SLC31A2: variants seen among roughly 807,000 people sequenced by gnomAD.
SLC31A2 encodes the protein solute carrier family 31 member 2, also known as protein SLC31A2.
A neutral mutation model predicts 14.4 loss-of-function variants in SLC31A2; 16 were observed. The observed-to-expected ratio is 1.11, with a 90% CI of 0.75 to 1.69. SLC31A2 has a LOEUF of 1.69. Ranked by LOEUF, SLC31A2 falls within the 40% of genes most tolerant of loss-of-function variation. The probability of loss-of-function intolerance (pLI) is 0.00; values close to 1 mark genes in which losing one functional copy is unlikely to be tolerated. For missense variants in SLC31A2, 140 were observed against 173.9 expected (o/e 0.81, Z 1.10); for synonymous variants, 56 against 68.7 (o/e 0.82, Z 0.91).
At chr9:113,153,351 A>T (rs1420931196) in intron 1 of SLC31A2, among the ~76,000 whole-genome samples, 1 of 152,110 alleles carries the variant, frequency 6.6e-6, no homozygotes, top group South Asian at 2.1e-4. Flanking sequence ...TGAAGCTCTC[A>T]TATAATTTAC....
intron 1 of SLC31A2, chr9:113,156,020 GCTGTCGTCT>G (rs1829930094): frequency 1.9e-6 from 1 of 518,742 alleles, no homozygotes; most frequent in Non-Finnish European, 3.8e-6. Context: ...GTGGTTTAGG[GCTGTCGTCT>G]GCAAGCAGAA....
In SLC31A2 at chr9:113,159,889, A is replaced by G. The variant is rs146533081; in HGVS notation, c.74-1620A>G. ...CAAGGAAACACTTAAAAAGAGTACA[A>G]ATGGGCCAGGTGTGGTGGCTCATGC... On this transcript the variant is annotated intron_variant, in intron 2 of 3. Coordinates refer to ENST00000259392, the MANE Select transcript of SLC31A2 (RefSeq NM_001860.3). Among the ~76,000 whole-genome samples, 39 of 152,234 alleles carry G rather than the reference A, an allele frequency of 2.6e-4. No homozygotes were observed. The East Asian group carries it at 6.6e-3, about 26-fold the overall frequency.
intron 2 of SLC31A2, 45 bp from the exon 3 acceptor site, chr9:113,161,452 TGGAAGGGAAACA>T: frequency 1.3e-6 from 2 of 1,519,908 alleles, no homozygotes; most frequent in Non-Finnish European, 1.8e-6. Flanking sequence ...GTGGAGGTGC[TGGAAGGGAAACA>T]GTGCTGGCCT....
rs773064007 is a variant in SLC31A2 at position 113,162,801 on chromosome 9, A to C, written c.316A>C (p.Ile106Leu). Residue 106 changes from isoleucine (I) to leucine (L), a missense_variant, in exon 4 of 4, where the codon ATC (isoleucine) becomes CTC (leucine). Coordinates refer to ENST00000259392, the MANE Select transcript of SLC31A2 (RefSeq NM_001860.3). ...QSLIHVIQVVIGYFIMLAVMS... is the reference protein window; with the variant it reads ...QSLIHVIQVVLGYFIMLAVMS... ...TCTAATCCATGTCATCCAGGTGGTC[A>C]TCGGCTACTTCATCATGCTGGCCGT... 2 of 1,613,872 alleles carry C rather than the reference A, an allele frequency of 1.2e-6. No individual in the cohort carries two copies. Among genetic ancestry groups the C allele is most frequent in the South Asian group, 2.2e-5 (2 of 91,070 alleles).
Position 113,151,184 on chromosome 9 carries a change from G to A in SLC31A2, c.6+104G>A. 8.5e-7 allele frequency: 1 copy of A among 1,171,104 alleles called. No homozygotes were observed. The highest frequency in any genetic ancestry group is 1.1e-6 in the Non-Finnish European group (1 of 915,340). 72.5% of individuals were successfully genotyped at this position (1,171,104 alleles called of 1,614,324 possible). A position where few individuals can be genotyped will look rare whatever the true frequency, so the allele number is the denominator to read the frequency against. ...TCCTCGCTGCCGCTGGCCCGGGGCT[G>A]GTGAAGGGTGTGTTGGCAGCATTGC... is the stretch of plus-strand genomic sequence containing the variant. On this transcript the variant is annotated intron_variant, in intron 1 of 3. Transcript: ENST00000259392. This position sits in a 1 kb window ranked among gnomAD's most constrained non-coding sequence, Gnocchi z 4.2.
chr9:113,158,241 T>C (rs1829959778), intron 2 of SLC31A2: 1 of 340,042 alleles, frequency 2.9e-6, no homozygotes, highest in Non-Finnish European at 6.1e-6. Flanking sequence ...GGAAAGAATA[T>C]TCCTTTGATT....
In SLC31A2 at chr9:113,157,787, C is replaced by T. The variant is rs1361599964; in HGVS notation, c.67C>T (p.Pro23Ser). 3.1e-6 allele frequency: 5 copies of T among 1,612,122 alleles called. No homozygotes were observed. The highest frequency in any genetic ancestry group is 4.2e-6 in the Non-Finnish European group (5 of 1,178,902). The change falls in exon 2 of 4, where the codon CCT becomes TCT. Residue 23 changes from proline (P) to serine (S), a missense_variant. Coordinates refer to ENST00000259392, the MANE Select transcript of SLC31A2 (RefSeq NM_001860.3). ...GTTTGATTTCTGGAGTGTCCACAGTCCTGCTGGTAAGAATTGGGGACCTCA... is the reference window on the plus strand; with the variant it reads ...GTTTGATTTCTGGAGTGTCCACAGTTCTGCTGGTAAGAATTGGGGACCTCA... ...LLFDFWSVHS[P>S]AGMALSVLVL...
At chr9:113,158,163 A>G (rs1829958371) in intron 2 of SLC31A2, 3 of 474,976 alleles carry the variant, frequency 6.3e-6, no homozygotes, top group African/African-American at 4.0e-5. Context: ...TCCCTTATCC[A>G]GGGCTCATTG....
intron 1 of SLC31A2, chr9:113,155,934 A>G: frequency 4.6e-6 from 2 of 437,342 alleles, no homozygotes; most frequent in South Asian, 1.6e-5. Context: ...GACTCAGACT[A>G]CTATTCTTTA....
rs3840998 is a variant in SLC31A2 at position 113,163,917 on chromosome 9, TG to T, written c.*1003del. On this transcript the variant is annotated 3_prime_UTR_variant, in exon 4 of 4. Transcript: ENST00000259392. ...TTCACTTAAAATACTGATTAAGCCATGGGCAGGTACTGACTGAAGATGCAAT... is the reference window on the plus strand; with the variant it reads ...TTCACTTAAAATACTGATTAAGCCATGGCAGGTACTGACTGAAGATGCAAT... The T allele has an allele frequency of 0.82, 124,871 of 152,550 alleles. 51,188 individuals carry two copies. Among genetic ancestry groups the T allele is most frequent in the South Asian group, 0.89 (4,281 of 4,828 alleles). The allele number at this position is 152,550 out of a possible 1,614,324, so 9.4% of individuals were successfully genotyped here.
chr9:113,157,459 C>G (rs1319582234), intron 1 of SLC31A2, among the ~76,000 whole-genome samples: 2 of 152,140 alleles, frequency 1.3e-5, no homozygotes, highest in African/African-American at 4.8e-5. Context: ...TGTCACATCC[C>G]GAGCCAGTTG....
chr9:113,151,194 G>A lies in SLC31A2; in HGVS notation c.6+114G>A. 1 of 1,118,594 alleles carries A rather than the reference G, an allele frequency of 8.9e-7. No homozygotes were observed. Among genetic ancestry groups the A allele is most frequent in the Non-Finnish European group, 1.2e-6 (1 of 868,632 alleles). The allele number at this position is 1,118,594 out of a possible 1,614,324, so 69.3% of individuals were successfully genotyped here. On this transcript the variant is annotated intron_variant, in intron 1 of 3. Coordinates refer to ENST00000259392, the MANE Select transcript of SLC31A2 (RefSeq NM_001860.3). This position sits in a 1 kb window ranked among gnomAD's most constrained non-coding sequence, Gnocchi z 4.2. ...CGCTGGCCCGGGGCTGGTGAAGGGT[G>A]TGTTGGCAGCATTGCCAACAGCTGG...
intron 1 of SLC31A2, among the ~76,000 whole-genome samples, chr9:113,155,091 C>A (rs1430275194): frequency 6.6e-6 from 1 of 152,194 alleles, no homozygotes; most frequent in Non-Finnish European, 1.5e-5. Context: ...GACAGCACAG[C>A]CCTCATCTCT....
rs893827876 is a variant in SLC31A2, at chr9:113,151,080, G to T, written c.6G>T (p.Ala2=). The T allele has an allele frequency of 3.1e-6, 4 of 1,308,200 alleles. No individual in the cohort carries two copies. Among genetic ancestry groups the T allele is most frequent in the African/African-American group, 3.0e-5 (2 of 66,188 alleles). The allele number at this position is 1,308,200 out of a possible 1,614,324, so 81.0% of individuals were successfully genotyped here. The change falls in exon 1 of 4, where the codon GCG becomes GCT. Residue 2 remains alanine, a splice_region_variant and synonymous_variant. Coordinates refer to ENST00000259392, the MANE Select transcript of SLC31A2 (RefSeq NM_001860.3). This position sits in a 1 kb window ranked among gnomAD's most constrained non-coding sequence, Gnocchi z 4.2. M[A]MHFIFSDTAV... is the part of the protein sequence containing the mutation. ...GCCCGCCCTGCGCACTCACCATGGC[G>T]GTAAGGGCCGGGCGCTACGGTGAAG...
At position 113,151,400 on chromosome 9, in the gene SLC31A2, GGACCT is replaced by G. The variant is rs1220288544; in HGVS notation, c.6+321_6+325del. On this transcript the variant is annotated intron_variant, in intron 1 of 3. Transcript: ENST00000259392. This position sits in a 1 kb window ranked among gnomAD's most constrained non-coding sequence, Gnocchi z 4.2. ...AGCTGGGTCCGGGGCCCCCGGCCCC[GGACCT>G]CTGGCCGGCGCCCCAGGGCGGAGAG... Among the ~76,000 whole-genome samples the G allele has an allele frequency of 7.9e-5, 12 of 152,004 alleles. No homozygotes were observed. The highest frequency in any genetic ancestry group is 5.9e-4 in the East Asian group (3 of 5,088).
chr9:113,155,990 G>A (rs1480133031), intron 1 of SLC31A2: 3 of 516,432 alleles, frequency 5.8e-6, no homozygotes, highest in Admixed American at 1.9e-5. Flanking sequence ...GATTGGAGAC[G>A]ACTAGAACAT....
intron 2 of SLC31A2, among the ~76,000 whole-genome samples, chr9:113,158,739 T>G (rs1829967124): frequency 6.6e-6 from 1 of 152,190 alleles, no homozygotes; most frequent in Non-Finnish European, 1.5e-5. Flanking sequence ...CGTGGGATTT[T>G]CAAGACCTAG....
intron 3 of SLC31A2, chr9:113,161,932 T>G (rs1399467765): frequency 4.7e-6 from 3 of 634,622 alleles, no homozygotes; most frequent in South Asian, 1.6e-5. Flanking sequence ...AAGGCTTTCT[T>G]TAGGGAACAG....
At position 113,162,960 on chromosome 9, in the gene SLC31A2, GC is replaced by G. The variant is rs752411020; in HGVS notation, c.*48del. 6.6e-7 allele frequency: 1 copy of G among 1,522,004 alleles called. No homozygotes were observed. Among genetic ancestry groups the G allele is most frequent in the South Asian group, 1.3e-5 (1 of 79,762 alleles). The allele number at this position is 1,522,004 out of a possible 1,614,324, so 94.3% of individuals were successfully genotyped here. Reference sequence around the variant, plus strand: ...GGCACTGAGGCTGGAGGGACATGGAGCCCCCTCTTCCAGACACTATACTTCC... The same window carrying G: ...GGCACTGAGGCTGGAGGGACATGGAGCCCCTCTTCCAGACACTATACTTCC... On this transcript the variant is annotated 3_prime_UTR_variant, in exon 4 of 4. Transcript: ENST00000259392.
Sources: gnomAD v4.1 joint callset for allele counts (sites outside exome capture counted in the v4.1 genomes callset) on GRCh38, gnomAD v4.1.1 for gene constraint, Gnocchi (gnomAD v3.1) non-coding constraint, MANE v1.5 for transcripts, NCBI Gene and HGNC (gene_info 2026-07-23, HGNC 2026-07-21) for gene names.